CPNE5: variants seen among roughly 807,000 people sequenced by gnomAD.
CPNE5 encodes copine 5, also known as copine-5.
Under a neutral mutation model 81.1 loss-of-function variants are expected in CPNE5, and 42 were observed. The observed-to-expected ratio is 0.52, with a 90% CI of 0.40 to 0.67. The LOEUF is 0.67. Ranked by LOEUF, CPNE5 falls within the 30% of genes least tolerant of loss-of-function variation. The pLI is 0.00. For synonymous variants in CPNE5, 313 were observed against 321.5 expected (o/e 0.97, Z 0.28); for missense variants, 612 against 815.5 (o/e 0.75, Z 3.04).
At chr6:36,745,843 A>T (rs947738709) in intron 16 of CPNE5, among the ~76,000 whole-genome samples, 1 of 152,108 alleles carries the variant, frequency 6.6e-6, no homozygotes, top group Non-Finnish European at 1.5e-5. Flanking sequence ...CTCAGGAAGG[A>T]CCTGTGGCTG....
chr6:36,770,859 A>G (rs1562118354), intron 10 of CPNE5, among the ~76,000 whole-genome samples: 1 of 152,036 alleles, frequency 6.6e-6, no homozygotes, highest in East Asian at 1.9e-4. Flanking sequence ...AAGAAGGATA[A>G]TTTTTTTAAA....
intron 3 of CPNE5, among the ~76,000 whole-genome samples, chr6:36,812,814 G>T (rs983192612): frequency 6.6e-6 from 1 of 152,238 alleles, no homozygotes; most frequent in Non-Finnish European, 1.5e-5. Flanking sequence ...ACCTCTCTTT[G>T]CAGAGGCAGA....
chr6:36,768,548 G>A (rs1766786127), intron 10 of CPNE5, among the ~76,000 whole-genome samples: 1 of 152,114 alleles, frequency 6.6e-6, no homozygotes, highest in Non-Finnish European at 1.5e-5. Flanking sequence ...ACAGTTCTGT[G>A]GCTGTCCACC....
intron 12 of CPNE5, among the ~76,000 whole-genome samples, chr6:36,761,373 C>T (rs1766012870): frequency 1.3e-5 from 2 of 152,264 alleles, no homozygotes; most frequent in Admixed American, 6.5e-5. Flanking sequence ...AACACACCTA[C>T]TGTGTGCCCG....
chr6:36,814,772 TCA>T (rs1771388391), intron 3 of CPNE5, among the ~76,000 whole-genome samples: 1 of 152,146 alleles, frequency 6.6e-6, no homozygotes, highest in African/African-American at 2.4e-5. Flanking sequence ...ATGAAAAGCT[TCA>T]GTTTCCTCCT....
At chr6:36,823,523 G>C (rs976064762) in intron 1 of CPNE5, among the ~76,000 whole-genome samples, 1 of 152,070 alleles carries the variant, frequency 6.6e-6, no homozygotes, top group African/African-American at 2.4e-5. Context: ...TTTTCTCAAG[G>C]CTCTACTTAC....
chr6:36,789,488 T>C (rs924111568), intron 8 of CPNE5, among the ~76,000 whole-genome samples: 1 of 152,220 alleles, frequency 6.6e-6, no homozygotes, highest in Non-Finnish European at 1.5e-5. Flanking sequence ...GGCTAGAAGC[T>C]TGGGGAAACA....
chr6:36,743,593 G>C, intron 20 of CPNE5, 96 bp downstream of exon 20: 2 of 1,208,546 alleles, frequency 1.7e-6, no homozygotes, highest in Non-Finnish European at 2.4e-6. Flanking sequence ...TCCCTTCTGG[G>C]CCCTTCACCA....
intron 11 of CPNE5, among the ~76,000 whole-genome samples, chr6:36,764,685 G>A (rs541990264): frequency 3.9e-4 from 59 of 152,226 alleles, no homozygotes; most frequent in Non-Finnish European, 7.2e-4. Context: ...CAAAGACCCC[G>A]AGTGGGAAGC....
chr6:36,811,086 C>G (rs751495897), intron 3 of CPNE5, among the ~76,000 whole-genome samples: 2 of 152,186 alleles, frequency 1.3e-5, no homozygotes, highest in Non-Finnish European at 2.9e-5. Flanking sequence ...CCTCGGGGAA[C>G]GGGGAACGAC....
At chr6:36,760,584 T>G (rs1295617418) in intron 12 of CPNE5, among the ~76,000 whole-genome samples, 1 of 152,028 alleles carries the variant, frequency 6.6e-6, no homozygotes, top group African/African-American at 2.4e-5. Flanking sequence ...ACATGGGTGG[T>G]AGGCGAGCAG....
Position 36,816,663 on chromosome 6 carries a change from G to A in CPNE5, c.183+5451C>T, listed in dbSNP as rs543979284. On this transcript the variant is annotated intron_variant, in intron 3 of 20. Coordinates refer to ENST00000244751, the MANE Select transcript of CPNE5 (RefSeq NM_020939.2). Reference sequence around the variant, plus strand: ...GCAAGGGCAGTCTTCTATCCCAGAGGCGGTTCCATAGAGACAATCTGGATT... The same window carrying A: ...GCAAGGGCAGTCTTCTATCCCAGAGACGGTTCCATAGAGACAATCTGGATT... Among the ~76,000 whole-genome samples the A allele has an allele frequency of 1.6e-4, 24 of 152,314 alleles. No homozygotes were observed. In the East Asian group the frequency reaches 2.7e-3, roughly 17 times the overall value.
At chr6:36,783,378 T>TAAAAAAA (rs36056853) in intron 8 of CPNE5, among the ~76,000 whole-genome samples, 68 of 118,266 alleles carry the variant, frequency 5.7e-4, no homozygotes, top group East Asian at 1.2e-3. Context: ...GCAGTAAAAG[T>TAAAAAAA]AAAAAAAAAA....
intron 3 of CPNE5, among the ~76,000 whole-genome samples, chr6:36,806,116 C>G (rs79531562): frequency 6.6e-6 from 1 of 152,192 alleles, no homozygotes; most frequent in East Asian, 1.9e-4. Context: ...CAGCCTCTGT[C>G]AAGACACGGG....
intron 1 of CPNE5, among the ~76,000 whole-genome samples, chr6:36,835,121 G>A (rs530332281): frequency 2.0e-5 from 3 of 152,358 alleles, no homozygotes; most frequent in Non-Finnish European, 2.9e-5. Context: ...GACTCGCCCC[G>A]CCGCGTCTTC....
chr6:36,786,859 T>C (rs1426074523), intron 8 of CPNE5, among the ~76,000 whole-genome samples: 1 of 152,222 alleles, frequency 6.6e-6, no homozygotes, highest in Non-Finnish European at 1.5e-5. Flanking sequence ...AGTGATTATC[T>C]CTGGGTGACT....
intron 10 of CPNE5, among the ~76,000 whole-genome samples, chr6:36,768,225 C>CTTTTTTTTTTTTTTTTTTTTT (rs10586762): frequency 3.8e-4 from 23 of 60,514 alleles, no homozygotes; most frequent in Non-Finnish European, 5.2e-4. Context: ...ATTCACAGTT[C>CTTTTTTTTTTTTTTTTTTTTT]TTTTTTTTTT....
At chr6:36,744,481 G>A (rs554186219) in intron 18 of CPNE5, 156 bp from the exon 19 acceptor site, 98 of 650,696 alleles carry the variant, frequency 1.5e-4, no homozygotes, top group African/African-American at 1.4e-3. Context: ...GGGGTAGGGA[G>A]AGGGAGGGCA....
chr6:36,805,949 T>C (rs1770553196), intron 3 of CPNE5, among the ~76,000 whole-genome samples: 1 of 152,226 alleles, frequency 6.6e-6, no homozygotes, highest in Non-Finnish European at 1.5e-5. Context: ...TCTCTGGGAC[T>C]CTGCTACACG....
Sources: gnomAD v4.1 joint callset for allele counts (sites outside exome capture counted in the v4.1 genomes callset) on GRCh38, gnomAD v4.1.1 for gene constraint, MANE v1.5 for transcripts, NCBI Gene and HGNC (gene_info 2026-07-23, HGNC 2026-07-21) for gene names.